Variants in NPAS3 observed in about 807,000 individuals in gnomAD.
NPAS3 encodes the protein neuronal PAS domain-containing protein 3.
Under a neutral mutation model 73.1 loss-of-function variants are expected in NPAS3, and 14 were observed. That is an observed-to-expected ratio of 0.19 (90% CI 0.13 to 0.30). The LOEUF is 0.30. Among genes scored for constraint, NPAS3 ranks in the 10% least tolerant of loss-of-function variants. NPAS3 has a pLI of 1.00. For synonymous variants in NPAS3, 620 were observed against 541.5 expected (o/e 1.14, Z -2.01); for missense variants, 1,096 against 1,250.0 (o/e 0.88, Z 1.86).
At chr14:33,626,739 T>G (rs2058230373) in intron 5 of NPAS3, among the ~76,000 whole-genome samples, 1 of 152,156 alleles carries the variant, frequency 6.6e-6, no homozygotes, top group Non-Finnish European at 1.5e-5. Flanking sequence ...GAGTTTATAT[T>G]CCAGTGGAGG....
At chr14:33,578,132 A>T (rs1402168365) in intron 5 of NPAS3, 1 of 456,000 alleles carries the variant, frequency 2.2e-6, no homozygotes, top group Admixed American at 2.3e-5. Flanking sequence ...TGAGAGTTCT[A>T]AACCTACTCT....
chr14:33,059,032 C>A (rs1239053020), intron 2 of NPAS3, among the ~76,000 whole-genome samples: 1 of 152,152 alleles, frequency 6.6e-6, no homozygotes, highest in Admixed American at 6.5e-5. Context: ...ATTGTATGCA[C>A]CTCTTTCTCA....
intron 1 of NPAS3, among the ~76,000 whole-genome samples, chr14:33,046,934 A>G (rs995037320): frequency 6.6e-6 from 1 of 152,160 alleles, no homozygotes; most frequent in Non-Finnish European, 1.5e-5. Flanking sequence ...AGATTGCACC[A>G]CTGCACTACA....
chr14:33,789,983 G>A (rs139764429), intron 9 of NPAS3, among the ~76,000 whole-genome samples: 1 of 152,266 alleles, frequency 6.6e-6, no homozygotes, highest in East Asian at 1.9e-4. Flanking sequence ...CAAAAATTTT[G>A]GAGAGTAGAA....
chr14:33,583,088 G>A (rs74042333), intron 5 of NPAS3, among the ~76,000 whole-genome samples: 6,137 of 148,658 alleles, frequency 0.041, 245 homozygotes, highest in African/African-American at 0.11. Context: ...ACTTATCACT[G>A]TGGGTTGGTG....
chr14:33,151,077 G>A lies in NPAS3; in HGVS notation c.141-64105G>A, dbSNP rs114919388. ...GTTTTCAACCATTATACTTAACACC[G>A]TGAATCTCTCTGGGAGAAGAAAGAA... On this transcript the variant is annotated intron_variant, in intron 2 of 11. Coordinates refer to ENST00000356141, the Ensembl canonical transcript of NPAS3. Among the ~76,000 whole-genome samples the A allele has an allele frequency of 3.7e-3, 567 of 152,274 alleles. 3 individuals are homozygous for A. The highest frequency in any genetic ancestry group is 0.013 in the African/African-American group (522 of 41,552).
At chr14:33,593,554 C>G (rs1880807829) in intron 5 of NPAS3, among the ~76,000 whole-genome samples, 1 of 152,158 alleles carries the variant, frequency 6.6e-6, no homozygotes. Flanking sequence ...TGCCAGCCAG[C>G]CCTGAGTCCA....
chr14:33,727,845 G>A (rs1025548015), intron 6 of NPAS3, among the ~76,000 whole-genome samples: 1 of 152,120 alleles, frequency 6.6e-6, no homozygotes, highest in South Asian at 2.1e-4. Flanking sequence ...CCCTCAAGTG[G>A]CAACATTTAT....
intron 6 of NPAS3, among the ~76,000 whole-genome samples, chr14:33,687,912 C>CAGTT (rs974590057): frequency 6.6e-6 from 1 of 152,218 alleles, no homozygotes; most frequent in African/African-American, 2.4e-5. Context: ...CAGAAAGATT[C>CAGTT]AGTTAATGGA....
chr14:33,480,540 GCCCCCACCCTTCCTCCCTCCCTCCCTCC>G (rs2051269847), intron 4 of NPAS3, among the ~76,000 whole-genome samples: 1 of 16,320 alleles, frequency 6.1e-5, no homozygotes. Flanking sequence ...TCCCCGCCCC[GCCCCCACCCTTCCTCCCTCCCTCCCTCC>G]CTCCCTCTCT....
intron 2 of NPAS3, among the ~76,000 whole-genome samples, chr14:33,079,350 G>C (rs144239822): frequency 0.069 from 7,449 of 108,110 alleles, 259 homozygotes; most frequent in Admixed American, 0.1. Flanking sequence ...ACAGAGTCTT[G>C]CTCTGTCGCC....
intron 4 of NPAS3, among the ~76,000 whole-genome samples, chr14:33,438,058 C>T (rs751785620): frequency 2.6e-5 from 4 of 151,958 alleles, no homozygotes; most frequent in Non-Finnish European, 5.9e-5. Context: ...CACTGTATCG[C>T]GTTTGGAAAA....
intron 2 of NPAS3, among the ~76,000 whole-genome samples, chr14:33,129,379 A>T (rs924384045): frequency 1.3e-5 from 2 of 152,154 alleles, no homozygotes; most frequent in African/African-American, 2.4e-5. Flanking sequence ...AACACATGTG[A>T]ATATTGATAG....
intron 6 of NPAS3, among the ~76,000 whole-genome samples, chr14:33,682,111 GATGA>G (rs1414741226): frequency 6.7e-6 from 1 of 149,374 alleles, no homozygotes; most frequent in Non-Finnish European, 1.5e-5. Context: ...TATAATTTAT[GATGA>G]ATGTTTATCA....
chr14:32,944,026 A>C (rs2036149587), intron 1 of NPAS3, among the ~76,000 whole-genome samples: 1 of 152,164 alleles, frequency 6.6e-6, no homozygotes, highest in South Asian at 2.1e-4. Context: ...ATATTACAAA[A>C]GTTTCAAAAT....
At chr14:33,679,662 AGT>A (rs1214387499) in intron 6 of NPAS3, among the ~76,000 whole-genome samples, 2 of 152,216 alleles carry the variant, frequency 1.3e-5, no homozygotes, top group Admixed American at 1.3e-4. Context: ...TGATGTGTTC[AGT>A]GTAGCATTAC....
At chr14:33,059,928 A>C (rs770085418) in intron 2 of NPAS3, among the ~76,000 whole-genome samples, 6 of 151,950 alleles carry the variant, frequency 3.9e-5, no homozygotes, top group Non-Finnish European at 2.9e-5. Context: ...CTACAGGTGC[A>C]TGCCCCCATG....
intron 3 of NPAS3, among the ~76,000 whole-genome samples, chr14:33,322,394 G>A (rs2043489963): frequency 6.6e-6 from 1 of 152,020 alleles, no homozygotes; most frequent in African/African-American, 2.4e-5. Context: ...TATAAGACTG[G>A]TATTCAGATC....
At chr14:33,133,863 T>C (rs2043731950) in intron 2 of NPAS3, among the ~76,000 whole-genome samples, 1 of 152,180 alleles carries the variant, frequency 6.6e-6, no homozygotes, top group Admixed American at 6.6e-5. Context: ...TTCTAGTCCA[T>C]CAAAGAAAAT....
Sources: allele counts gnomAD v4.1 joint callset (sites outside exome capture counted in the v4.1 genomes callset), GRCh38; gene constraint gnomAD v4.1.1; transcripts MANE v1.5; gene names NCBI Gene and HGNC (gene_info 2026-07-23, HGNC 2026-07-21).